ASGR2: variants seen among roughly 807,000 people sequenced by gnomAD.
The protein encoded by ASGR2 is asialoglycoprotein receptor 2.
ASGR2 carries 34 observed loss-of-function variants against 32.3 expected under a neutral mutation model. The observed-to-expected ratio is 1.05, with a 90% CI of 0.80 to 1.40. The LOEUF (loss-of-function observed/expected upper bound fraction) is 1.40, where lower values mean the gene tolerates loss of function less well. ASGR2 is among the 40% of genes most tolerant of loss of function. The pLI, the probability that ASGR2 is intolerant of heterozygous loss-of-function variation, is 0.00. For synonymous variants in ASGR2, 143 were observed against 150.0 expected (o/e 0.95, Z 0.34); for missense variants, 385 against 386.4 (o/e 1.00, Z 0.03).
chr17:7,111,806 C>G (rs958570340), intron 2 of ASGR2, among the ~76,000 whole-genome samples: 1 of 150,974 alleles, frequency 6.6e-6, no homozygotes, highest in African/African-American at 2.4e-5. Context: ...GGGGGAATCA[C>G]TTGAGCCCAG....
At chr17:7,109,479 C>T (rs1446919658) in intron 2 of ASGR2, among the ~76,000 whole-genome samples, 3 of 152,244 alleles carry the variant, frequency 2.0e-5, no homozygotes, top group African/African-American at 4.8e-5. Flanking sequence ...ACTCTCCAAG[C>T]ACAACCCTCC....
At chr17:7,105,684 C>T (rs1358282365) in intron 7 of ASGR2, among the ~76,000 whole-genome samples, 3 of 151,900 alleles carry the variant, frequency 2.0e-5, no homozygotes, top group East Asian at 1.9e-4. Flanking sequence ...GTATCAAAAA[C>T]AAAACAAAAC....
intron 2 of ASGR2, among the ~76,000 whole-genome samples, chr17:7,109,401 C>T (rs1027213611): frequency 2.0e-4 from 31 of 152,034 alleles, no homozygotes; most frequent in African/African-American, 7.3e-4. Flanking sequence ...AAAATCCATA[C>T]TGGAACAGTC....
At position 7,107,684 on chromosome 17, in the gene ASGR2, C is replaced by T; in HGVS notation, c.409+152G>A. ...CAGATCCATGACATATCACACCACA[C>T]ATACGGAGAGAGACACAGATACACA... On this transcript the variant is annotated intron_variant, in intron 5 of 8. Transcript: ENST00000691900. This position sits in a 1 kb window ranked among gnomAD's most constrained non-coding sequence, Gnocchi z 5.0. 1.0e-6 allele frequency: 1 copy of T among 965,718 alleles called. No individual in the cohort carries two copies. Among genetic ancestry groups the T allele is most frequent in the South Asian group, 1.5e-5 (1 of 66,510 alleles). 59.8% of individuals were successfully genotyped at this position (965,718 alleles called of 1,614,324 possible).
chr17:7,113,682 TCACACAACATACA>T lies in ASGR2; in HGVS notation c.124+422_124+434del, dbSNP rs1915085639. 1.4e-5 allele frequency among the ~76,000 whole-genome samples: 2 copies of T among 147,344 alleles called. No individual in the cohort carries two copies. The highest frequency in any genetic ancestry group is 3.0e-5 in the Non-Finnish European group (2 of 66,850). Reference sequence around the variant, plus strand: ...CACACAAGATACACACAACATATACTCACACAACATACACACACAACACACTCTCACACACAAC... The same window carrying T: ...CACACAAGATACACACAACATATACTCACACAACACACTCTCACACACAAC... On this transcript the variant is annotated intron_variant, in intron 2 of 8. Transcript: ENST00000691900. This position sits in a 1 kb window ranked among gnomAD's most constrained non-coding sequence, Gnocchi z 5.1.
At chr17:7,106,207 A>G (rs1382199213) in intron 7 of ASGR2, among the ~76,000 whole-genome samples, 1 of 152,208 alleles carries the variant, frequency 6.6e-6, no homozygotes, top group African/African-American at 2.4e-5. Flanking sequence ...TCAAAAAGGT[A>G]AGAAACAAAA....
chr17:7,108,447 C>T lies in ASGR2; in HGVS notation c.337+15G>A, dbSNP rs1167338429. 3.2e-6 allele frequency: 5 copies of T among 1,578,584 alleles called. No homozygotes were observed. Among genetic ancestry groups the T allele is most frequent in the Non-Finnish European group, 4.3e-6 (5 of 1,161,630 alleles). On this transcript the variant is annotated intron_variant, in intron 4 of 8. Transcript: ENST00000691900. This position sits in a 1 kb window ranked among gnomAD's most constrained non-coding sequence, Gnocchi z 4.9. ...CTGTGCGGATAAATGAGAACCCAGCCGTCCAGCCCCTCACCGTGGGTGCTG... is the reference window on the plus strand; with the variant it reads ...CTGTGCGGATAAATGAGAACCCAGCTGTCCAGCCCCTCACCGTGGGTGCTG...
intron 2 of ASGR2, among the ~76,000 whole-genome samples, chr17:7,112,262 T>C (rs961793823): frequency 2.6e-5 from 4 of 151,408 alleles, no homozygotes; most frequent in Non-Finnish European, 5.9e-5. Flanking sequence ...AAAAATCAAG[T>C]GCTGAGACAA....
In ASGR2 at chr17:7,107,370, G is replaced by A; in HGVS notation, c.410-53C>T. ...CGGCAGGTGTGGTCCCCACCTGCTA[G>A]GCTCCAGCCTGTGGCTGGGGAAGCA... is the stretch of plus-strand genomic sequence containing the variant. On this transcript the variant is annotated intron_variant, in intron 5 of 8. Transcript: ENST00000691900. This position sits in a 1 kb window ranked among gnomAD's most constrained non-coding sequence, Gnocchi z 5.0. 1.3e-6 allele frequency: 2 copies of A among 1,582,482 alleles called. No homozygotes were observed. The highest frequency in any genetic ancestry group is 1.1e-5 in the South Asian group (1 of 89,804).
chr17:7,114,334 G>C lies in ASGR2; in HGVS notation c.-70-24C>G, dbSNP rs1011367957. The C allele has an allele frequency of 6.6e-7, 1 of 1,524,272 alleles. No individual in the cohort carries two copies. The highest frequency in any genetic ancestry group is 8.8e-7 in the Non-Finnish European group (1 of 1,138,608). 94.4% of individuals were successfully genotyped at this position (1,524,272 alleles called of 1,614,324 possible). A position where few individuals can be genotyped will look rare whatever the true frequency, so the allele number is the denominator to read the frequency against. Reference sequence around the variant, plus strand: ...GGCTGGGGCAGAGGTGCAGATTCACGTGGAGGTTGATGGTGGGATGGAACG... The same window carrying C: ...GGCTGGGGCAGAGGTGCAGATTCACCTGGAGGTTGATGGTGGGATGGAACG... On this transcript the variant is annotated intron_variant, in intron 1 of 8. Transcript: ENST00000691900. This position sits in a 1 kb window ranked among gnomAD's most constrained non-coding sequence, Gnocchi z 4.5.
chr17:7,111,193 T>C (rs1300860129), intron 2 of ASGR2, among the ~76,000 whole-genome samples: 1 of 152,138 alleles, frequency 6.6e-6, no homozygotes, highest in African/African-American at 2.4e-5. Context: ...GGTTCATAAA[T>C]ATCAAAAGAG....
Position 7,108,722 on chromosome 17 carries a change from G to A in ASGR2, c.241+50C>T, listed in dbSNP as rs1325884700. 2.5e-6 allele frequency: 4 copies of A among 1,613,244 alleles called. No individual in the cohort carries two copies. Among genetic ancestry groups the A allele is most frequent in the Non-Finnish European group, 3.4e-6 (4 of 1,179,610 alleles). On this transcript the variant is annotated intron_variant, in intron 3 of 8. Transcript: ENST00000691900. This position sits in a 1 kb window ranked among gnomAD's most constrained non-coding sequence, Gnocchi z 4.9. Reference sequence around the variant, plus strand: ...CCGATCGCTGCCCGCCACTGCCCATGTCTCTTTCCCTACCCCTTGCCCATC... The same window carrying A: ...CCGATCGCTGCCCGCCACTGCCCATATCTCTTTCCCTACCCCTTGCCCATC...
rs1419091204 is a variant in ASGR2, at chr17:7,106,984, G to A, written c.648+16C>T. The A allele has an allele frequency of 6.2e-7, 1 of 1,613,772 alleles. No homozygotes were observed. The stretch of plus-strand genomic sequence containing the variant: ...TTCCAAGGGCTTCCTCCTGCCTGTG[G>A]GAAGCGTGGCCTCACCTGCTCCTCC... On this transcript the variant is annotated intron_variant, in intron 7 of 8. Coordinates refer to ENST00000691900, the MANE Select transcript of ASGR2 (RefSeq NM_001201352.2).
At chr17:7,102,731 G>A (rs1913029407) in intron 7 of ASGR2, among the ~76,000 whole-genome samples, 1 of 152,160 alleles carries the variant, frequency 6.6e-6, no homozygotes, top group Non-Finnish European at 1.5e-5. Flanking sequence ...TTGGCCCCTG[G>A]TAGCTCTCGC....
rs747752168 is a variant in ASGR2 at position 7,114,287 on chromosome 17, C to G, written c.-47G>C. 3.3e-6 allele frequency: 5 copies of G among 1,494,718 alleles called. No individual in the cohort carries two copies. In the South Asian group the frequency reaches 4.5e-5, roughly 13 times the overall value. The allele number at this position is 1,494,718 out of a possible 1,614,324, so 92.6% of individuals were successfully genotyped here. On this transcript the variant is annotated 5_prime_UTR_variant, in exon 2 of 9. Transcript: ENST00000691900. The surrounding 1 kb of genome is among the most constrained non-coding windows in gnomAD (Gnocchi z 4.5). ...GGAGCTGGAGCTGGGCTGGGCTGGG[C>G]TGAGGTTGCTCTGAGGGCTGGGGCT... is the stretch of plus-strand genomic sequence containing the variant.
chr17:7,109,011 G>T, intron 2 of ASGR2, 123 bp from the exon 3 acceptor site: 1 of 794,058 alleles, frequency 1.3e-6, no homozygotes, highest in South Asian at 1.7e-5. Flanking sequence ...CATGGGGGGG[G>T]GTCATCATAG....
Position 7,107,249 on chromosome 17 carries a change from C to G in ASGR2, c.478G>C (p.Glu160Gln). 6.2e-7 allele frequency: 1 copy of G among 1,614,176 alleles called. No individual in the cohort carries two copies. ...CCCCTACCGTTGCTGTGGAGGAGCT[C>G]CATCTGGCAGGCCACGAAGCGCAGG... is the stretch of plus-strand genomic sequence containing the variant. ...VDLRFVACQM[E>Q]LLHSNGSQRT... The change falls in exon 6 of 9, where the codon GAG (glutamate) becomes CAG (glutamine). Residue 160 changes from glutamate to glutamine, a missense_variant. Transcript: ENST00000691900. This position sits in a 1 kb window ranked among gnomAD's most constrained non-coding sequence, Gnocchi z 5.0.
At chr17:7,106,578 A>G (rs375532136) in intron 7 of ASGR2, among the ~76,000 whole-genome samples, 2 of 152,320 alleles carry the variant, frequency 1.3e-5, no homozygotes, top group South Asian at 4.1e-4. Flanking sequence ...TGGCCCCTGT[A>G]TCATATGGCT....
chr17:7,104,980 AAAAAAAAAATTTTTTTTTTTTTTCAG>A (rs2151709252), intron 7 of ASGR2, among the ~76,000 whole-genome samples: 1 of 150,988 alleles, frequency 6.6e-6, no homozygotes, highest in South Asian at 2.1e-4. Context: ...CATCTCAAAA[AAAAAAAAAATTTTTTTTTTTTTTCAG>A]ATACAACACT....
Sources: allele counts gnomAD v4.1 joint callset (sites outside exome capture counted in the v4.1 genomes callset), GRCh38; gene constraint gnomAD v4.1.1; non-coding constraint Gnocchi (gnomAD v3.1); transcripts MANE v1.5; gene names NCBI Gene and HGNC (gene_info 2026-07-23, HGNC 2026-07-21).